DCDC1: variants seen among roughly 807,000 people sequenced by gnomAD.
DCDC1 encodes the protein doublecortin domain containing 1.
DCDC1 carries 200 observed loss-of-function variants against 178.3 expected under a neutral mutation model. That is an observed-to-expected ratio of 1.12 (90% CI 1.00 to 1.26). DCDC1 has a LOEUF of 1.26. DCDC1 is among the 50% of genes most tolerant of loss of function. The probability of loss-of-function intolerance (pLI) is 0.00; values close to 1 mark genes in which losing one functional copy is unlikely to be tolerated. For synonymous variants in DCDC1, 690 were observed against 604.8 expected (o/e 1.14, Z -2.07); for missense variants, 1,983 against 1,749.2 (o/e 1.13, Z -2.38).
chr11:31,063,347 T>C, intron 20 of DCDC1, among the ~76,000 whole-genome samples: 1 of 152,100 alleles, frequency 6.6e-6, no homozygotes, highest in Non-Finnish European at 1.5e-5. Flanking sequence ...CATCCCATTA[T>C]TGGGTACATA....
chr11:31,029,286 C>T (rs530709136), intron 20 of DCDC1, among the ~76,000 whole-genome samples: 55 of 151,948 alleles, frequency 3.6e-4, no homozygotes, highest in Non-Finnish European at 4.7e-4. Context: ...ATAAGCAAAA[C>T]GGGGTACCAG....
At chr11:31,013,214 C>A (rs1325267720) in intron 20 of DCDC1, among the ~76,000 whole-genome samples, 1 of 152,130 alleles carries the variant, frequency 6.6e-6, no homozygotes, top group Non-Finnish European at 1.5e-5. Context: ...TTGTATACCT[C>A]TTTCTTAATT....
At chr11:30,868,063 T>C (rs1298737602) in intron 38 of DCDC1, among the ~76,000 whole-genome samples, 1 of 152,010 alleles carries the variant, frequency 6.6e-6, no homozygotes, top group Non-Finnish European at 1.5e-5. Context: ...GATCCAAAGA[T>C]ATGTAAAATA....
intron 32 of DCDC1, 109 bp from the exon 33 acceptor site, chr11:30,900,607 A>T: frequency 8.6e-7 from 1 of 1,164,004 alleles, no homozygotes; most frequent in Non-Finnish European, 1.1e-6. Flanking sequence ...ACTTAATTTG[A>T]TTTAAACAGG....
intron 9 of DCDC1, among the ~76,000 whole-genome samples, chr11:31,165,633 T>C (rs1966715165): frequency 6.6e-6 from 1 of 152,212 alleles, no homozygotes; most frequent in Admixed American, 6.5e-5. Flanking sequence ...TTTAATTTAA[T>C]TTTTTAGAAC....
chr11:31,064,348 C>T, intron 20 of DCDC1, 121 bp downstream of exon 20: 1 of 601,898 alleles, frequency 1.7e-6, no homozygotes, highest in South Asian at 2.4e-5. Flanking sequence ...AACTACTACG[C>T]TTGAAAGCCA....
chr11:31,268,427 T>C (rs891747583), intron 7 of DCDC1, among the ~76,000 whole-genome samples: 5 of 152,206 alleles, frequency 3.3e-5, no homozygotes, highest in Admixed American at 1.3e-4. Context: ...TTTATGTCCA[T>C]GAGTACCCAA....
At chr11:31,167,288 C>T (rs1305270130) in intron 9 of DCDC1, among the ~76,000 whole-genome samples, 1 of 152,178 alleles carries the variant, frequency 6.6e-6, no homozygotes, top group Non-Finnish European at 1.5e-5. Flanking sequence ...ATCCTAAATG[C>T]TGACTTGTTA....
At chr11:30,887,939 G>A (rs960323887) in intron 36 of DCDC1, among the ~76,000 whole-genome samples, 1 of 150,764 alleles carries the variant, frequency 6.6e-6, no homozygotes, top group African/African-American at 2.4e-5. Context: ...GAAGGTGGAG[G>A]TTGCAGTGAG....
intron 1 of DCDC1, among the ~76,000 whole-genome samples, chr11:31,355,414 C>T (rs926401504): frequency 1.3e-5 from 2 of 152,106 alleles, no homozygotes; most frequent in African/African-American, 4.8e-5. Context: ...AACTCAGCTA[C>T]CTACGAACCA....
At chr11:31,254,333 A>G (rs942134661) in intron 8 of DCDC1, among the ~76,000 whole-genome samples, 1 of 152,192 alleles carries the variant, frequency 6.6e-6, no homozygotes, top group African/African-American at 2.4e-5. Flanking sequence ...CGGATGACTG[A>G]GCAAGATCAC....
chr11:31,352,173 TA>T (rs752535499), intron 1 of DCDC1, among the ~76,000 whole-genome samples: 1 of 152,100 alleles, frequency 6.6e-6, no homozygotes, highest in East Asian at 1.9e-4. Flanking sequence ...GTGACAAACG[TA>T]AGGTAACAAA....
At chr11:31,288,223 T>C (rs1946978251) in intron 7 of DCDC1, among the ~76,000 whole-genome samples, 1 of 151,930 alleles carries the variant, frequency 6.6e-6, no homozygotes, top group South Asian at 2.1e-4. Context: ...TCCCATTAAT[T>C]TGGCATCTTA....
chr11:31,205,147 C>T (rs1971724201), intron 9 of DCDC1, among the ~76,000 whole-genome samples: 1 of 152,170 alleles, frequency 6.6e-6, no homozygotes, highest in Non-Finnish European at 1.5e-5. Flanking sequence ...CATATTATAG[C>T]TTGCTTTTCT....
intron 9 of DCDC1, among the ~76,000 whole-genome samples, chr11:31,178,555 C>T (rs898966381): frequency 6.6e-6 from 1 of 152,066 alleles, no homozygotes; most frequent in African/African-American, 2.4e-5. Context: ...TTCCACAGCA[C>T]AGGAAACTGT....
intron 7 of DCDC1, among the ~76,000 whole-genome samples, chr11:31,283,999 G>A (rs566502852): frequency 1.4e-5 from 2 of 146,890 alleles, no homozygotes; most frequent in East Asian, 2.0e-4. Context: ...TCTCTACTAC[G>A]ATCCATAAAT....
chr11:31,362,676 TA>T (rs1304763023), intron 1 of DCDC1, among the ~76,000 whole-genome samples: 5 of 152,160 alleles, frequency 3.3e-5, no homozygotes, highest in Non-Finnish European at 5.9e-5. Context: ...TACAAAAGAC[TA>T]GAGTCATGGT....
intron 9 of DCDC1, among the ~76,000 whole-genome samples, chr11:31,211,693 C>G (rs897012349): frequency 2.6e-5 from 4 of 152,108 alleles, no homozygotes; most frequent in African/African-American, 4.8e-5. Context: ...TTCTGCTACT[C>G]TACATAATGT....
At chr11:30,988,763 A>C (rs767692794) in intron 20 of DCDC1, among the ~76,000 whole-genome samples, 1 of 152,246 alleles carries the variant, frequency 6.6e-6, no homozygotes. Flanking sequence ...GAAAGTTTAC[A>C]AATTTGTGTT....
Sources: gnomAD v4.1 joint callset for allele counts (sites outside exome capture counted in the v4.1 genomes callset) on GRCh38, gnomAD v4.1.1 for gene constraint, MANE v1.5 for transcripts, NCBI Gene and HGNC (gene_info 2026-07-23, HGNC 2026-07-21) for gene names.